GON4L: variants seen among roughly 807,000 people sequenced by gnomAD.
GON4L encodes gon-4 like, also known as GON-4-like protein.
Under a neutral mutation model 211.8 loss-of-function variants are expected in GON4L, and 87 were observed. The observed-to-expected ratio is 0.41, with a 90% CI of 0.35 to 0.49. The LOEUF is 0.49. GON4L is among the 20% of genes least tolerant of loss of function. GON4L has a pLI of 0.15. For missense variants in GON4L, 2,155 were observed against 2,659.5 expected (o/e 0.81, Z 4.17); for synonymous variants, 875 against 962.6 (o/e 0.91, Z 1.68).
intron 2 of GON4L, chr1:155,845,726 G>A (rs1388827625): frequency 6.9e-6 from 2 of 288,962 alleles, no homozygotes; most frequent in Non-Finnish European, 1.4e-5. Flanking sequence ...CCGTAACTCA[G>A]TATTGGTCAC....
At chr1:155,779,993 T>G (rs937474572) in intron 14 of GON4L, among the ~76,000 whole-genome samples, 2 of 151,608 alleles carry the variant, frequency 1.3e-5, no homozygotes, top group African/African-American at 4.8e-5. Context: ...GAGACAGGGT[T>G]TCGCCACGTT....
chr1:155,853,882 A>G, intron 1 of GON4L, 76 bp from the exon 2 acceptor site: 1 of 950,024 alleles, frequency 1.1e-6, no homozygotes, highest in Non-Finnish European at 1.6e-6. Flanking sequence ...CTTTTCATTT[A>G]TTCATGTTCG....
intron 27 of GON4L, 65 bp downstream of exon 27, chr1:155,756,893 C>T: frequency 8.0e-7 from 1 of 1,242,360 alleles, no homozygotes; most frequent in South Asian, 1.2e-5. Context: ...TACGCCACTG[C>T]ACTCTAGTTT....
Position 155,766,161 on chromosome 1 carries a change from G to A in GON4L, c.3312C>T (p.Ser1104=), listed in dbSNP as rs929701686. ...GCTTTCGAAACTTAGAAGGGGCAAG[G>A]GAGGGCAGCATTACCTTGGGCACAG... ...SAPVPKVMLP[S]LAPSKFRKPY... is the part of the protein sequence containing the mutation. Residue 1104 remains serine (S), a synonymous_variant, in exon 21 of 32, where the codon TCC becomes TCT. Transcript: ENST00000368331. 4 of 1,613,998 alleles carry A rather than the reference G, an allele frequency of 2.5e-6. No homozygotes were observed. In the African/African-American group the frequency reaches 5.3e-5, roughly 22 times the overall value.
chr1:155,805,350 T>C (rs940454294), intron 10 of GON4L, among the ~76,000 whole-genome samples: 9 of 152,230 alleles, frequency 5.9e-5, no homozygotes, highest in African/African-American at 2.2e-4. Context: ...GGAAAATTTA[T>C]AACAGCTTTA....
At chr1:155,777,218 G>A (rs1389523816) in intron 15 of GON4L, among the ~76,000 whole-genome samples, 3 of 152,180 alleles carry the variant, frequency 2.0e-5, no homozygotes, top group African/African-American at 7.2e-5. Context: ...TTTAGGAGGT[G>A]GTAAGGTAAC....
intron 28 of GON4L, chr1:155,754,068 C>A: frequency 2.5e-6 from 1 of 392,534 alleles, no homozygotes. Context: ...TCTAGAGAAC[C>A]AGGATTACTT....
chr1:155,837,470 T>C (rs184515992), intron 2 of GON4L, among the ~76,000 whole-genome samples: 36 of 152,294 alleles, frequency 2.4e-4, no homozygotes, highest in African/African-American at 7.0e-4. Flanking sequence ...TCAGTCTTCT[T>C]TTATTATACT....
intron 14 of GON4L, among the ~76,000 whole-genome samples, chr1:155,781,072 G>A (rs1476435801): frequency 6.6e-6 from 1 of 151,992 alleles, no homozygotes; most frequent in African/African-American, 2.4e-5. Flanking sequence ...CAGAAGACCA[G>A]AAGCATAAAA....
chr1:155,764,179 TGCAATCGTGGCTCACC>T (rs1662162970), intron 21 of GON4L, among the ~76,000 whole-genome samples: 1 of 151,966 alleles, frequency 6.6e-6, no homozygotes, highest in African/African-American at 2.4e-5. Flanking sequence ...AGTGAGATGG[TGCAATCGTGGCTCACC>T]GCAACCTCTG....
At chr1:155,822,624 A>G in intron 3 of GON4L, 148 bp from the exon 4 acceptor site, 1 of 691,384 alleles carries the variant, frequency 1.4e-6, no homozygotes, top group Non-Finnish European at 2.6e-6. Context: ...ATATGACGGT[A>G]TAACAAGTAT....
At position 155,771,133 on chromosome 1, in the gene GON4L, A is replaced by C; in HGVS notation, c.2580T>G (p.Thr860=). 6.2e-7 allele frequency: 1 copy of C among 1,614,174 alleles called. No individual in the cohort carries two copies. The highest frequency in any genetic ancestry group is 8.5e-7 in the Non-Finnish European group (1 of 1,180,026). ...LISKYLLTCK[T]AHQLTVRIKN... Reference sequence around the variant, plus strand: ...TGATTCTCACTGTCAGTTGGTGGGCAGTTTTGCAGGTTAGAAGGTACTTGC... The same window carrying C: ...TGATTCTCACTGTCAGTTGGTGGGCCGTTTTGCAGGTTAGAAGGTACTTGC... The change falls in exon 19 of 32, where the codon ACT becomes ACG. Residue 860 remains threonine, a synonymous_variant. Transcript: ENST00000368331.
intron 23 of GON4L, among the ~76,000 whole-genome samples, chr1:155,761,570 A>G (rs1338768851): frequency 6.8e-6 from 1 of 147,708 alleles, no homozygotes; most frequent in Non-Finnish European, 1.5e-5. Flanking sequence ...ATCTCGGCTC[A>G]CTGCAAACTC....
intron 12 of GON4L, among the ~76,000 whole-genome samples, chr1:155,791,609 T>G (rs1413771438): frequency 6.6e-6 from 1 of 151,838 alleles, no homozygotes; most frequent in Non-Finnish European, 1.5e-5. Context: ...GGCTCATGAC[T>G]GTAATCCCAA....
In GON4L at chr1:155,765,598, ACGGTC is replaced by A. The variant is rs1209094791; in HGVS notation, c.3870_3874del (p.Trp1290CysfsTer39). 1 of 1,613,982 alleles carries A rather than the reference ACGGTC, an allele frequency of 6.2e-7. No individual in the cohort carries two copies. The highest frequency in any genetic ancestry group is 8.5e-7 in the Non-Finnish European group (1 of 1,180,016). On this transcript the variant is annotated frameshift_variant, in exon 21 of 32. Transcript: ENST00000368331. LOFTEE classifies it high-confidence loss of function. ...TTGCCTCCCCTCCTCTGTTTTCACAACGGTCCAGCGACAGGCACTATTCTCTGACA... is the reference window on the plus strand; with the variant it reads ...TTGCCTCCCCTCCTCTGTTTTCACAACAGCGACAGGCACTATTCTCTGACA...
At position 155,792,641 on chromosome 1, in the gene GON4L, A is replaced by C. The variant is rs376253537; in HGVS notation, c.1747+2409T>G. 5.3e-5 allele frequency among the ~76,000 whole-genome samples: 8 copies of C among 152,360 alleles called. No individual in the cohort carries two copies. The East Asian group carries it at 1.2e-3, about 22-fold the overall frequency. On this transcript the variant is annotated intron_variant, in intron 12 of 31. Transcript: ENST00000368331. ...AATTATACGTAAACTGAAGAAAGTA[A>C]CAATCAAAAAGGGAAGGCAAATATA...
At chr1:155,781,078 T>C (rs901992255) in intron 14 of GON4L, among the ~76,000 whole-genome samples, 1 of 152,028 alleles carries the variant, frequency 6.6e-6, no homozygotes, top group African/African-American at 2.4e-5. Context: ...ACCAGAAGCA[T>C]AAAAAAGTAG....
intron 10 of GON4L, among the ~76,000 whole-genome samples, chr1:155,812,924 A>G (rs1667922407): frequency 6.6e-6 from 1 of 152,188 alleles, no homozygotes; most frequent in African/African-American, 2.4e-5. Context: ...TTTTTAGAAA[A>G]TATACACAAA....
chr1:155,823,604 C>T (rs1668915015), intron 3 of GON4L, among the ~76,000 whole-genome samples: 1 of 152,074 alleles, frequency 6.6e-6, no homozygotes, highest in African/African-American at 2.4e-5. Flanking sequence ...AAAGCATTTG[C>T]CAAAGTGAGG....
Sources: allele counts gnomAD v4.1 joint callset (sites outside exome capture counted in the v4.1 genomes callset), GRCh38; gene constraint gnomAD v4.1.1; transcripts MANE v1.5; gene names NCBI Gene and HGNC (gene_info 2026-07-23, HGNC 2026-07-21).